Variants in GLRA2 observed in about 807,000 individuals in gnomAD.
The protein encoded by GLRA2 is glycine receptor alpha 2.
GLRA2 carries 11 observed loss-of-function variants against 31.6 expected under a neutral mutation model. The ratio of observed to expected loss-of-function variants is 0.35; its 90% confidence interval spans 0.22 to 0.58. GLRA2 has a LOEUF of 0.58. Among genes scored for constraint, GLRA2 ranks in the 20% least tolerant of loss-of-function variants. GLRA2 has a pLI of 0.84. For missense variants in GLRA2, 212 were observed against 351.8 expected (o/e 0.60, Z 3.18); for synonymous variants, 132 against 134.0 (o/e 0.99, Z 0.10).
intron 7 of GLRA2, among the ~76,000 whole-genome samples, chrX:14,649,780 A>C (rs1601799706): frequency 8.9e-6 from 1 of 112,042 alleles, no homozygotes; most frequent in African/African-American, 3.2e-5. Context: ...CCTACCTCTC[A>C]TCAGGATACA....
intron 8 of GLRA2, among the ~76,000 whole-genome samples, chrX:14,692,687 A>G (rs1006038633): frequency 9.0e-6 from 1 of 111,635 alleles, no homozygotes; most frequent in African/African-American, 3.3e-5. Context: ...AATTTAAGAA[A>G]CACTATCCTG....
Position 14,569,277 on chromosome X carries a change from CAAAA to C in GLRA2, c.203-5052_203-5049del, listed in dbSNP as rs1215373123. 2.7e-5 allele frequency among the ~76,000 whole-genome samples: 3 copies of C among 110,737 alleles called. No individual in the cohort carries two copies. The South Asian group carries it at 1.1e-3, about 42-fold the overall frequency. ...CTCAAAAAAGAAAAAAACAAACAAACAAAAAAAGCCACAACCCTAAAAACTTTTA... is the reference window on the plus strand; with the variant it reads ...CTCAAAAAAGAAAAAAACAAACAAACAAAGCCACAACCCTAAAAACTTTTA... On this transcript the variant is annotated intron_variant, in intron 2 of 8. Transcript: ENST00000218075.
chrX:14,558,116 ATCTAAGT>A (rs2089676296), intron 2 of GLRA2, among the ~76,000 whole-genome samples: 1 of 112,130 alleles, frequency 8.9e-6, no homozygotes, highest in South Asian at 3.7e-4. Flanking sequence ...ATATTGGAAG[ATCTAAGT>A]TGTAGTCTCC....
chrX:14,516,378 A>T, the GLRA2 span, among the ~76,000 whole-genome samples: 1 of 112,029 alleles, frequency 8.9e-6, no homozygotes, highest in Non-Finnish European at 1.9e-5. Flanking sequence ...CTTTGTTTTT[A>T]AAAACATACA....
intron 2 of GLRA2, among the ~76,000 whole-genome samples, chrX:14,549,422 G>A (rs1016118544): frequency 9.0e-6 from 1 of 111,611 alleles, no homozygotes; most frequent in Non-Finnish European, 1.9e-5. Context: ...AGATTTCTAA[G>A]AAGATAACTC....
At chrX:14,598,635 C>T (rs180768869) in intron 4 of GLRA2, among the ~76,000 whole-genome samples, 17 of 111,776 alleles carry the variant, frequency 1.5e-4, no homozygotes, top group Non-Finnish European at 2.1e-4. Flanking sequence ...TTTGACAGTC[C>T]TGTAATTTAG....
chrX:14,712,042 TATAGAAAAAAATG>T (rs2091718800), intron 8 of GLRA2, among the ~76,000 whole-genome samples: 1 of 112,941 alleles, frequency 8.9e-6, no homozygotes, highest in East Asian at 2.8e-4. Context: ...GTCATGTTAT[TATAGAAAAAAATG>T]CCATCTAGCT....
intron 8 of GLRA2, among the ~76,000 whole-genome samples, chrX:14,703,476 C>T (rs188959626): frequency 2.1e-4 from 24 of 111,894 alleles, no homozygotes; most frequent in East Asian, 5.7e-4. Context: ...GTTGTGAGCA[C>T]GTAGATCATC....
chrX:14,505,461 CTG>C, the GLRA2 span, among the ~76,000 whole-genome samples: 1 of 111,377 alleles, frequency 9.0e-6, no homozygotes, highest in South Asian at 3.8e-4. Context: ...TGAGCCAAGA[CTG>C]AACATTTTCT....
intron 7 of GLRA2, among the ~76,000 whole-genome samples, chrX:14,638,030 G>A (rs111954750): frequency 2.7e-5 from 3 of 111,553 alleles, no homozygotes; most frequent in African/African-American, 9.8e-5. Context: ...TAGAGACAGG[G>A]TAGGGTCTGA....
chrX:14,544,974 A>G (rs773348489), intron 2 of GLRA2, among the ~76,000 whole-genome samples: 152 of 111,374 alleles, frequency 1.4e-3, no homozygotes, highest in African/African-American at 4.7e-3. Flanking sequence ...GACTTAATCA[A>G]TGGCTCCTGA....
chrX:14,595,037 G>A (rs2090186539), intron 4 of GLRA2, among the ~76,000 whole-genome samples: 1 of 110,551 alleles, frequency 9.0e-6, no homozygotes, highest in Admixed American at 9.7e-5. Flanking sequence ...TGGGATTTAG[G>A]TCCAGCCTTA....
the GLRA2 span, among the ~76,000 whole-genome samples, chrX:14,493,706 C>T: frequency 1.1e-5 from 1 of 90,137 alleles, no homozygotes; most frequent in African/African-American, 4.8e-5. Context: ...TATATGTATA[C>T]ACATGTATAC....
intron 5 of GLRA2, among the ~76,000 whole-genome samples, chrX:14,606,866 C>T (rs1188996435): frequency 9.0e-6 from 1 of 111,658 alleles, no homozygotes; most frequent in Admixed American, 9.5e-5. Context: ...AATAAAAAGG[C>T]AGAAATCAAT....
chrX:14,642,346 T>G (rs1461645802), intron 7 of GLRA2, among the ~76,000 whole-genome samples: 2 of 112,072 alleles, frequency 1.8e-5, no homozygotes, highest in Non-Finnish European at 3.8e-5. Context: ...CCTCTTTGCA[T>G]GTGCCAGTGG....
rs888656313 is a variant in GLRA2 at position 14,557,270 on chromosome X, C to T, written c.203-17063C>T. 8.2e-4 allele frequency among the ~76,000 whole-genome samples: 88 copies of T among 107,908 alleles called. 2 individuals carry two copies. The highest frequency in any genetic ancestry group is 3.3e-4 in the Non-Finnish European group (17 of 52,084). The allele number at this position is 107,908 out of a possible 115,157, so 93.7% of individuals were successfully genotyped here. ...AGCTGGGACTACAGGCGCCCACCAC[C>T]ACGCCCGGCTAATTTTTTGTATTTT... On this transcript the variant is annotated intron_variant, in intron 2 of 8. Transcript: ENST00000218075.
the GLRA2 span, among the ~76,000 whole-genome samples, chrX:14,522,684 A>G: frequency 1.8e-5 from 2 of 112,384 alleles, no homozygotes; most frequent in African/African-American, 3.2e-5. Context: ...AGGCATGAGA[A>G]AAACATTAAT....
intron 2 of GLRA2, among the ~76,000 whole-genome samples, chrX:14,541,874 G>T (rs2089409368): frequency 9.0e-6 from 1 of 110,702 alleles, no homozygotes; most frequent in African/African-American, 3.3e-5. Flanking sequence ...CCAAATCAAA[G>T]GATTTAGGAT....
At chrX:14,551,557 A>G (rs1248412804) in intron 2 of GLRA2, among the ~76,000 whole-genome samples, 1 of 111,503 alleles carries the variant, frequency 9.0e-6, no homozygotes, top group African/African-American at 3.3e-5. Context: ...TGGGCTACAC[A>G]TTACATGACT....
Sources: allele counts gnomAD v4.1 joint callset (sites outside exome capture counted in the v4.1 genomes callset), GRCh38; gene constraint gnomAD v4.1.1; transcripts MANE v1.5; gene names NCBI Gene and HGNC (gene_info 2026-07-23, HGNC 2026-07-21).